PLCE1: variants seen among roughly 807,000 people sequenced by gnomAD.
The protein encoded by PLCE1 is phospholipase C epsilon 1.
A neutral mutation model predicts 242.8 loss-of-function variants in PLCE1; 119 were observed. The ratio of observed to expected loss-of-function variants is 0.49; its 90% confidence interval spans 0.42 to 0.57. The LOEUF is 0.57. Among genes scored for constraint, PLCE1 ranks in the 20% least tolerant of loss-of-function variants. The pLI is 0.00. For synonymous variants in PLCE1, 945 were observed against 1,017.4 expected, an observed-to-expected ratio of 0.93 and a Z score of 1.35; for missense variants, 2,441 against 2,788.8, an observed-to-expected ratio of 0.88 and a Z score of 2.81.
chr10:94,205,413 G>A (rs1162126533), intron 4 of PLCE1, among the ~76,000 whole-genome samples: 1 of 152,208 alleles, frequency 6.6e-6, no homozygotes, highest in South Asian at 2.1e-4. Context: ...GTGGAGGTGG[G>A]GAGGAAGAGA....
chr10:94,185,219 C>T (rs371997629), intron 4 of PLCE1, among the ~76,000 whole-genome samples: 2 of 152,234 alleles, frequency 1.3e-5, no homozygotes, highest in African/African-American at 4.8e-5. Context: ...TTTGGGCATA[C>T]GGCCACAGTG....
chr10:94,027,482 A>G (rs2061470367), intron 1 of PLCE1, among the ~76,000 whole-genome samples: 1 of 152,180 alleles, frequency 6.6e-6, no homozygotes, highest in Non-Finnish European at 1.5e-5. Flanking sequence ...CATTGCTTCG[A>G]TGTCTGTGTA....
chr10:94,176,367 T>C (rs1175069323), intron 4 of PLCE1, among the ~76,000 whole-genome samples: 1 of 152,172 alleles, frequency 6.6e-6, no homozygotes, highest in East Asian at 1.9e-4. Context: ...ACTACTGCAC[T>C]TCAGCCTGAG....
intron 8 of PLCE1, among the ~76,000 whole-genome samples, chr10:94,247,455 T>C (rs183574192): frequency 1.3e-3 from 199 of 152,310 alleles, no homozygotes; most frequent in Admixed American, 2.3e-3. Context: ...CATTGTTATC[T>C]GAATACTTTT....
At chr10:94,131,742 G>A (rs1419047455) in intron 2 of PLCE1, among the ~76,000 whole-genome samples, 1 of 152,202 alleles carries the variant, frequency 6.6e-6, no homozygotes, top group African/African-American at 2.4e-5. Context: ...TTCAGTTTAA[G>A]CATGGAGAAA....
In PLCE1 at chr10:94,331,742, T is replaced by C. The variant is rs1223091081; in HGVS notation, c.*3799T>C. ...TCCATTGTTAATAATTTATGTGTTCTCTGCCATCCTTATGTAGCAGCTTCC... is the reference window on the plus strand; with the variant it reads ...TCCATTGTTAATAATTTATGTGTTCCCTGCCATCCTTATGTAGCAGCTTCC... On this transcript the variant is annotated 3_prime_UTR_variant, in exon 33 of 33. Coordinates refer to ENST00000371380, the MANE Select transcript of PLCE1 (RefSeq NM_016341.4). 6.6e-6 allele frequency: 1 copy of C among 152,240 alleles called. No homozygotes were observed. Among genetic ancestry groups the C allele is most frequent in the African/African-American group, 2.4e-5 (1 of 41,458 alleles). The allele number at this position is 152,240 out of a possible 1,614,324, so 9.4% of individuals were successfully genotyped here. A position where few individuals can be genotyped will look rare whatever the true frequency, so the allele number is the denominator to read the frequency against.
intron 26 of PLCE1, among the ~76,000 whole-genome samples, chr10:94,308,083 C>T (rs1265929038): frequency 8.5e-5 from 13 of 152,200 alleles, no homozygotes; most frequent in Non-Finnish European, 1.8e-4. Flanking sequence ...TTTTCACTTA[C>T]TAATGTATAC....
intron 3 of PLCE1, among the ~76,000 whole-genome samples, chr10:94,142,882 A>G (rs1440192911): frequency 3.3e-5 from 5 of 152,340 alleles, no homozygotes; most frequent in African/African-American, 1.2e-4. Context: ...CCCATGCATT[A>G]GGCCACTGAT....
chr10:94,013,094 G>A (rs1309251570), intron 1 of PLCE1, among the ~76,000 whole-genome samples: 1 of 152,136 alleles, frequency 6.6e-6, no homozygotes, highest in Non-Finnish European at 1.5e-5. Context: ...CTAACCCAAG[G>A]CAGGAAGCAT....
At chr10:94,048,410 G>A (rs1301582583) in intron 2 of PLCE1, among the ~76,000 whole-genome samples, 1 of 149,270 alleles carries the variant, frequency 6.7e-6, no homozygotes, top group East Asian at 2.0e-4. Context: ...CCACTATGAT[G>A]TACAAAATAT....
At chr10:94,279,295 TA>T (rs1375734790) in intron 19 of PLCE1, 1 of 169,914 alleles carries the variant, frequency 5.9e-6, no homozygotes, top group Non-Finnish European at 1.3e-5. Flanking sequence ...AAAACAATTT[TA>T]TTTAAACCAA....
rs150408578 is a variant in PLCE1, at chr10:94,033,943, T to C, written c.1206+1691T>C. Among the ~76,000 whole-genome samples the C allele has an allele frequency of 7.0e-3, 1,065 of 152,254 alleles. 5 individuals are homozygous for C. Among genetic ancestry groups the C allele is most frequent in the Non-Finnish European group, 0.012 (792 of 68,016 alleles). ...TCATCATCATTGTATTAGTCTGTTC[T>C]CATGCTGCTAATAAAGACATAGTCA... On this transcript the variant is annotated intron_variant, in intron 2 of 32. Transcript: ENST00000371380.
intron 3 of PLCE1, among the ~76,000 whole-genome samples, chr10:94,165,432 G>T (rs2047764947): frequency 6.6e-6 from 1 of 152,200 alleles, no homozygotes; most frequent in African/African-American, 2.4e-5. Context: ...TCCGAGCCAG[G>T]CGTGGGATAC....
At chr10:94,271,882 C>A (rs1449625987) in intron 18 of PLCE1, among the ~76,000 whole-genome samples, 2 of 152,100 alleles carry the variant, frequency 1.3e-5, no homozygotes, top group Non-Finnish European at 2.9e-5. Context: ...GTCCATGATG[C>A]CCACCTGAGC....
At chr10:94,086,871 T>C (rs1315103371) in intron 2 of PLCE1, among the ~76,000 whole-genome samples, 1 of 152,176 alleles carries the variant, frequency 6.6e-6, no homozygotes, top group African/African-American at 2.4e-5. Flanking sequence ...ATCTGTGGAA[T>C]AGAGATAATA....
chr10:94,032,810 A>AT (rs934675605), intron 2 of PLCE1, among the ~76,000 whole-genome samples: 3 of 152,064 alleles, frequency 2.0e-5, no homozygotes, highest in Non-Finnish European at 4.4e-5. Flanking sequence ...ATTTATCATG[A>AT]TTTTTTTAAA....
chr10:94,327,546 A>AAGTT (rs1308403139), intron 32 of PLCE1, among the ~76,000 whole-genome samples: 4 of 152,168 alleles, frequency 2.6e-5, no homozygotes, highest in Non-Finnish European at 5.9e-5. Context: ...AGCAAAAAGA[A>AAGTT]AGTTAGTTTA....
chr10:94,315,494 G>C (rs1387143450), intron 28 of PLCE1: 2 of 455,894 alleles, frequency 4.4e-6, no homozygotes, highest in East Asian at 1.4e-4. Flanking sequence ...AAATACATTG[G>C]TAAAACTATA....
chr10:94,239,712 G>A (rs1042064506), intron 7 of PLCE1, among the ~76,000 whole-genome samples: 4 of 152,224 alleles, frequency 2.6e-5, no homozygotes, highest in East Asian at 1.9e-4. Flanking sequence ...CGTTAGAGAC[G>A]CGCCTGGACG....
Sources: gnomAD v4.1 joint callset for allele counts (sites outside exome capture counted in the v4.1 genomes callset) on GRCh38, gnomAD v4.1.1 for gene constraint, MANE v1.5 for transcripts, NCBI Gene and HGNC (gene_info 2026-07-23, HGNC 2026-07-21) for gene names.